Variants in MYBPHL observed in about 807,000 individuals in gnomAD.
The protein encoded by MYBPHL is myosin-binding protein H-like.
Under a neutral mutation model 39.5 loss-of-function variants are expected in MYBPHL, and 32 were observed. The ratio of observed to expected loss-of-function variants is 0.81; its 90% CI spans 0.61 to 1.09. The LOEUF (loss-of-function observed/expected upper bound fraction) is 1.09, where lower values mean the gene tolerates loss of function less well. Ranked by LOEUF, MYBPHL falls within the 50% of genes least tolerant of loss-of-function variation. The probability of loss-of-function intolerance (pLI) is 0.00; values close to 1 mark genes in which losing one functional copy is unlikely to be tolerated. For missense variants in MYBPHL, 456 were observed against 460.2 expected (o/e 0.99, Z 0.08); for synonymous variants, 196 against 183.7 (o/e 1.07, Z -0.54).
At chr1:109,296,400 G>A (rs766194274) in intron 5 of MYBPHL, 30 bp from the exon 6 acceptor site, 25 of 1,611,816 alleles carry the variant, frequency 1.6e-5, no homozygotes, top group Non-Finnish European at 2.0e-5. Context: ...CTGGCATGTA[G>A]CTTCTGAGAT....
At chr1:109,297,243 T>G in intron 3 of MYBPHL, 54 bp from the exon 4 acceptor site, 1 of 1,613,360 alleles carries the variant, frequency 6.2e-7, no homozygotes, top group Non-Finnish European at 8.5e-7. Flanking sequence ...TGCATTGAAG[T>G]CACTTCAGGA....
Position 109,296,212 on chromosome 1 carries a change from G to GC in MYBPHL, c.867+21dup, listed in dbSNP as rs757361281. Reference sequence around the variant, plus strand: ...GGAACAAGAAGCAGCTCAGCACAGTGCCCCCCAGAGCCCCCACTCACCCGG... The same window carrying GC: ...GGAACAAGAAGCAGCTCAGCACAGTGCCCCCCCAGAGCCCCCACTCACCCGG... On this transcript the variant is annotated intron_variant, in intron 6 of 8. Transcript: ENST00000357155. 17 of 1,610,856 alleles carry GC rather than the reference G, an allele frequency of 1.1e-5. No individual in the cohort carries two copies. The African/African-American group carries it at 1.7e-4, about 16-fold the overall frequency.
At position 109,296,356 on chromosome 1, in the gene MYBPHL, T is replaced by C. The variant is rs749321692; in HGVS notation, c.745A>G (p.Thr249Ala). The change falls in exon 6 of 9, where the codon ACC (threonine) becomes GCC (alanine). Residue 249 changes from threonine (T) to alanine (A), a missense_variant. Physicochemically the swap from Thr to Ala is moderately conservative, Grantham distance 58 (BLOSUM62 0). Coordinates refer to ENST00000357155, the MANE Select transcript of MYBPHL (RefSeq NM_001010985.3). ...HIQKAATVYK[T>A]KGFAQRDFSE... ...AAGTCTCGTTGGGCAAACCCCTTGG[T>C]CTTGTAAACAGTAGCTGAGGGCACC... 1 of 1,613,944 alleles carries C rather than the reference T, an allele frequency of 6.2e-7. No homozygotes were observed. Among genetic ancestry groups the C allele is most frequent in the South Asian group, 1.1e-5 (1 of 91,056 alleles).
At chr1:109,296,056 C>T (rs962316852) in intron 6 of MYBPHL, among the ~76,000 whole-genome samples, 178 bp downstream of exon 6, 1 of 152,208 alleles carries the variant, frequency 6.6e-6, no homozygotes, top group South Asian at 2.1e-4. Context: ...TCATTCTCAT[C>T]AGTCCGTCTT....
rs142270824 is a variant in MYBPHL, at chr1:109,297,500, C to A, written c.352G>T (p.Ala118Ser). ...SILFIREAQR[A>S]DSGRYQLRVQ... ...CGGAGTTGGTAGCGACCTGAGTCAGCACGTTGGGCTTCTCGGATGAAGAGG... is the reference window on the plus strand; with the variant it reads ...CGGAGTTGGTAGCGACCTGAGTCAGAACGTTGGGCTTCTCGGATGAAGAGG... Residue 118 changes from alanine to serine, a missense_variant, in exon 3 of 9, where the codon GCT (alanine) becomes TCT (serine). Ala to Ser is a moderately conservative substitution (Grantham distance 99). Coordinates refer to ENST00000357155, the MANE Select transcript of MYBPHL (RefSeq NM_001010985.3). The A allele has an allele frequency of 5.7e-4, 914 of 1,613,746 alleles. 5 individuals carry two copies. In the African/African-American group the frequency reaches 0.011, roughly 19 times the overall value.
At chr1:109,302,647 T>C (rs1222977639) in intron 1 of MYBPHL, among the ~76,000 whole-genome samples, 1 of 152,172 alleles carries the variant, frequency 6.6e-6, no homozygotes, top group Non-Finnish European at 1.5e-5. Context: ...CTCTCACATC[T>C]GGCCCACCAC....
At position 109,297,557 on chromosome 1, in the gene MYBPHL, C is replaced by T. The variant is rs755163694; in HGVS notation, c.295G>A (p.Val99Met). ...HDGCALDTRR[V>M]SVRNGEQDSI... ...TCTTGCTCCCCATTCCGCACACTCA[C>T]ACGCCTGGTGTCCAAGGCACAGCCA... Residue 99 changes from valine to methionine, a missense_variant, in exon 3 of 9, where the codon GTG becomes ATG. Transcript: ENST00000357155. 3.1e-6 allele frequency: 5 copies of T among 1,613,824 alleles called. No individual in the cohort carries two copies. The South Asian group carries it at 5.5e-5, about 18-fold the overall frequency.
intron 1 of MYBPHL, among the ~76,000 whole-genome samples, chr1:109,299,811 G>C (rs1177264016): frequency 6.6e-6 from 1 of 152,210 alleles, no homozygotes; most frequent in East Asian, 1.9e-4. Context: ...GCGGCTGAGT[G>C]ACCCTGCTGT....
chr1:109,301,208 T>A (rs1217843288), intron 1 of MYBPHL, among the ~76,000 whole-genome samples: 1 of 152,136 alleles, frequency 6.6e-6, no homozygotes, highest in Non-Finnish European at 1.5e-5. Flanking sequence ...ATGCCCAAGG[T>A]CTTTCTCCTC....
Position 109,306,854 on chromosome 1 carries a change from A to AG in MYBPHL, c.137dup (p.Ile47TyrfsTer44), listed in dbSNP as rs779344965. The stretch of plus-strand genomic sequence containing the variant: ...CCACCTGCCATGGGTCACCTTCTAT[A>AG]GGGGGCAGGAGCTGGGGAGTGGGGC... On this transcript the variant is annotated frameshift_variant, in exon 1 of 9. Coordinates refer to ENST00000357155, the MANE Select transcript of MYBPHL (RefSeq NM_001010985.3). LOFTEE classifies it high-confidence loss of function. 1.9e-6 allele frequency: 3 copies of AG among 1,578,898 alleles called. No homozygotes were observed. Among genetic ancestry groups the AG allele is most frequent in the African/African-American group, 2.8e-5 (2 of 72,550 alleles).
intron 1 of MYBPHL, among the ~76,000 whole-genome samples, chr1:109,301,467 G>A (rs933251187): frequency 1.3e-5 from 2 of 152,178 alleles, no homozygotes; most frequent in African/African-American, 4.8e-5. Context: ...CAGGCCGGGC[G>A]CAGTGGCTCA....
chr1:109,295,842 C>T (rs1658038853), intron 6 of MYBPHL, among the ~76,000 whole-genome samples: 1 of 152,158 alleles, frequency 6.6e-6, no homozygotes, highest in Non-Finnish European at 1.5e-5. Flanking sequence ...AGACAGAGAG[C>T]CTTGCTCAGG....
At chr1:109,304,534 G>C (rs1658399459) in intron 1 of MYBPHL, among the ~76,000 whole-genome samples, 1 of 152,180 alleles carries the variant, frequency 6.6e-6, no homozygotes, top group African/African-American at 2.4e-5. Context: ...GCTTCTTCCA[G>C]GAGAGCTCCA....
intron 7 of MYBPHL, 54 bp downstream of exon 7, chr1:109,295,057 T>C: frequency 5.1e-6 from 8 of 1,580,850 alleles, no homozygotes; most frequent in Non-Finnish European, 6.9e-6. Flanking sequence ...CTTCCACCGG[T>C]GGAGAGAGGA....
At chr1:109,294,735 A>C (rs633830) in intron 7 of MYBPHL, among the ~76,000 whole-genome samples, 1 of 152,090 alleles carries the variant, frequency 6.6e-6, no homozygotes, top group African/African-American at 2.4e-5. Flanking sequence ...AGGCTGAGTC[A>C]GAAGATTGCA....
In MYBPHL at chr1:109,294,155, A is replaced by T. The variant is rs908374308; in HGVS notation, c.*33+51T>A. ...CCTCTGTCCCTGACTCAACAACACT[A>T]GCCATAAACAGGAAGTAATCCAGTG... On this transcript the variant is annotated intron_variant, in intron 8 of 8. Coordinates refer to ENST00000357155, the MANE Select transcript of MYBPHL (RefSeq NM_001010985.3). 9 of 1,217,382 alleles carry T rather than the reference A, an allele frequency of 7.4e-6. No homozygotes were observed. The South Asian group carries it at 1.1e-4, about 15-fold the overall frequency. 75.4% of individuals were successfully genotyped at this position (1,217,382 alleles called of 1,614,324 possible).
At chr1:109,306,823 C>T in intron 1 of MYBPHL, 24 bp downstream of exon 1, 2 of 1,540,510 alleles carry the variant, frequency 1.3e-6, no homozygotes, top group Non-Finnish European at 1.7e-6. Flanking sequence ...GGCCTCCCCA[C>T]CCTCCCCACC....
At chr1:109,306,737 T>C (rs560204801) in intron 1 of MYBPHL, 110 bp downstream of exon 1, 10 of 917,812 alleles carry the variant, frequency 1.1e-5, no homozygotes, top group Non-Finnish European at 1.6e-5. Context: ...ACCAATCCTA[T>C]AGAGTCTTTA....
chr1:109,294,141 G>T, intron 8 of MYBPHL, 65 bp downstream of exon 8: 3 of 1,100,322 alleles, frequency 2.7e-6, no homozygotes, highest in Non-Finnish European at 1.4e-6. Flanking sequence ...CTCTGTCCCT[G>T]ACTCAACAAC....
Sources: allele counts gnomAD v4.1 joint callset (sites outside exome capture counted in the v4.1 genomes callset), GRCh38; gene constraint gnomAD v4.1.1; transcripts MANE v1.5; gene names NCBI Gene and HGNC (gene_info 2026-07-23, HGNC 2026-07-21).